Variants in TNKS observed in about 807,000 individuals in gnomAD.
The protein encoded by TNKS is tankyrase.
A neutral mutation model predicts 135.8 loss-of-function variants in TNKS; 72 were observed. The observed-to-expected ratio is 0.53, with a 90% confidence interval of 0.44 to 0.64. TNKS has a LOEUF of 0.64. Among genes scored for constraint, TNKS ranks in the 30% least tolerant of loss-of-function variants. The pLI is 0.00. For missense variants in TNKS, 1,769 were observed against 1,674.0 expected, an observed-to-expected ratio of 1.06 and a Z score of -0.99; for synonymous variants, 849 against 649.3, an observed-to-expected ratio of 1.31 and a Z score of -4.68.
chr8:9,755,519 T>G (rs1806791128), intron 20 of TNKS, among the ~76,000 whole-genome samples: 1 of 152,248 alleles, frequency 6.6e-6, no homozygotes, highest in Admixed American at 6.5e-5. Context: ...TATTTTTATT[T>G]TAATTGCAAA....
intron 16 of TNKS, 70 bp downstream of exon 16, chr8:9,735,154 G>T (rs1045348144): frequency 2.0e-6 from 3 of 1,465,278 alleles, no homozygotes; most frequent in Non-Finnish European, 2.8e-6. Context: ...ACTAAAAGAC[G>T]AAAGCCATGC....
chr8:9,680,647 T>C (rs1266037040), intron 4 of TNKS, 78 bp from the exon 5 acceptor site: 3 of 956,044 alleles, frequency 3.1e-6, no homozygotes, highest in Non-Finnish European at 1.7e-6. Flanking sequence ...TATTTTACTC[T>C]CGTGTGAAAA....
intron 13 of TNKS, among the ~76,000 whole-genome samples, chr8:9,726,959 T>TACAC (rs984276527): frequency 1.3e-5 from 2 of 151,984 alleles, no homozygotes; most frequent in East Asian, 3.9e-4. Flanking sequence ...GATATATACA[T>TACAC]ACACACACAC....
intron 3 of TNKS, among the ~76,000 whole-genome samples, chr8:9,635,169 C>CG (rs1213764253): frequency 4.9e-5 from 7 of 142,266 alleles, no homozygotes; most frequent in East Asian, 2.0e-4. Flanking sequence ...GACTCCGTCT[C>CG]GGGGAAAAAA....
chr8:9,672,711 CAAAA>C (rs6150458), intron 3 of TNKS, among the ~76,000 whole-genome samples: 13 of 85,240 alleles, frequency 1.5e-4, no homozygotes, highest in African/African-American at 5.3e-4. Flanking sequence ...CACACACACA[CAAAA>C]AAAAAAAAAC....
intron 15 of TNKS, 31 bp downstream of exon 15, chr8:9,733,475 C>G (rs766178474): frequency 1.3e-6 from 2 of 1,557,130 alleles, no homozygotes; most frequent in East Asian, 2.3e-5. Context: ...TGAAATATAA[C>G]TAATTTTATT....
chr8:9,673,554 C>CT (rs1255620763), intron 3 of TNKS, among the ~76,000 whole-genome samples: 1 of 148,968 alleles, frequency 6.7e-6, no homozygotes, highest in Non-Finnish European at 1.5e-5. Context: ...AAGAAATTCT[C>CT]TGTCTCAGCC....
At chr8:9,652,844 T>A (rs1478633921) in intron 3 of TNKS, among the ~76,000 whole-genome samples, 2 of 152,196 alleles carry the variant, frequency 1.3e-5, no homozygotes, top group African/African-American at 2.4e-5. Context: ...AAGATAAATA[T>A]TATCTTCTCT....
chr8:9,609,210 A>G (rs113960740), intron 2 of TNKS, among the ~76,000 whole-genome samples: 60 of 152,024 alleles, frequency 3.9e-4, no homozygotes, highest in Non-Finnish European at 2.8e-4. Flanking sequence ...TGAGTTGTCT[A>G]TTTCTGCTCG....
At position 9,572,111 on chromosome 8, in the gene TNKS, C is replaced by G. The variant is rs1042936920; in HGVS notation, c.674-8048C>G. On this transcript the variant is annotated intron_variant, in intron 1 of 26. Coordinates refer to ENST00000310430, the MANE Select transcript of TNKS (RefSeq NM_003747.3). ...CATGATATATAGACATAAGCTCACA[C>G]ACGTACTACTGAATTCATTTTTTGT... is the stretch of plus-strand genomic sequence containing the variant. 2.6e-5 allele frequency among the ~76,000 whole-genome samples: 4 copies of G among 152,212 alleles called. 1 individual carries two copies. The highest frequency in any genetic ancestry group is 9.6e-5 in the African/African-American group (4 of 41,462).
chr8:9,675,136 T>G (rs1005137318), intron 3 of TNKS, among the ~76,000 whole-genome samples: 4 of 152,204 alleles, frequency 2.6e-5, no homozygotes, highest in African/African-American at 9.6e-5. Context: ...TTCTTGAGAT[T>G]AGATTACTTC....
chr8:9,655,640 A>G (rs1037850661), intron 3 of TNKS, among the ~76,000 whole-genome samples: 1 of 152,210 alleles, frequency 6.6e-6, no homozygotes, highest in Non-Finnish European at 1.5e-5. Context: ...CAGGGTCTGG[A>G]GTGGACCTCC....
intron 17 of TNKS, among the ~76,000 whole-genome samples, chr8:9,745,445 C>A (rs1806185213): frequency 6.6e-6 from 1 of 152,038 alleles, no homozygotes; most frequent in Non-Finnish European, 1.5e-5. Context: ...TCACTCTTCA[C>A]CCAGGCTGGA....
chr8:9,661,423 A>G (rs1233504305), intron 3 of TNKS, among the ~76,000 whole-genome samples: 1 of 152,142 alleles, frequency 6.6e-6, no homozygotes, highest in Non-Finnish European at 1.5e-5. Context: ...CCTCAGAAAT[A>G]ATGCCGCATA....
chr8:9,731,936 C>T (rs1805464925), intron 14 of TNKS, among the ~76,000 whole-genome samples: 1 of 152,044 alleles, frequency 6.6e-6, no homozygotes, highest in Non-Finnish European at 1.5e-5. Context: ...TACAGGCGCC[C>T]GTCACCACGC....
At chr8:9,648,864 G>C (rs1427032319) in intron 3 of TNKS, among the ~76,000 whole-genome samples, 1 of 151,728 alleles carries the variant, frequency 6.6e-6, no homozygotes, top group South Asian at 2.1e-4. Flanking sequence ...ACACCATTGC[G>C]ATGACAGAGG....
intron 5 of TNKS, among the ~76,000 whole-genome samples, chr8:9,703,644 A>G (rs908987152): frequency 6.6e-6 from 1 of 152,248 alleles, no homozygotes; most frequent in South Asian, 2.1e-4. Flanking sequence ...CTCAAAAGCA[A>G]TAGTAGTACA....
chr8:9,733,534 A>G, intron 15 of TNKS, 90 bp downstream of exon 15: 1 of 1,102,892 alleles, frequency 9.1e-7, no homozygotes, highest in East Asian at 2.6e-5. Flanking sequence ...TTATTCTATT[A>G]AGAACAATAC....
chr8:9,756,118 G>A (rs1210119169), intron 20 of TNKS, among the ~76,000 whole-genome samples: 2 of 152,138 alleles, frequency 1.3e-5, no homozygotes, highest in Non-Finnish European at 2.9e-5. Flanking sequence ...TCACTTGGAA[G>A]ACTGCTTGTG....
Sources: allele counts gnomAD v4.1 joint callset (sites outside exome capture counted in the v4.1 genomes callset), GRCh38; gene constraint gnomAD v4.1.1; transcripts MANE v1.5; gene names NCBI Gene and HGNC (gene_info 2026-07-23, HGNC 2026-07-21).